RAI14: variants seen among roughly 807,000 people sequenced by gnomAD.
The protein encoded by RAI14 is retinoic acid induced 14, also known as ankycorbin.
In RAI14, 45 loss-of-function variants were observed where a neutral mutation model predicts 115.4. The ratio of observed to expected loss-of-function variants is 0.39; its 90% CI spans 0.31 to 0.50. RAI14 has a LOEUF of 0.50. Among genes scored for constraint, RAI14 ranks in the 20% least tolerant of loss-of-function variants. The pLI is 0.85. For synonymous variants in RAI14, 371 were observed against 415.4 expected, an observed-to-expected ratio of 0.89 and a Z score of 1.30; for missense variants, 939 against 1,131.2, an observed-to-expected ratio of 0.83 and a Z score of 2.44.
At chr5:34,704,526 T>C (rs186534229) in intron 2 of RAI14, among the ~76,000 whole-genome samples, 1 of 152,338 alleles carries the variant, frequency 6.6e-6, no homozygotes, top group East Asian at 1.9e-4. Context: ...GACGTTCTGT[T>C]TCCTTATCAG....
intron 3 of RAI14, among the ~76,000 whole-genome samples, chr5:34,787,949 C>T (rs867202516): frequency 8.6e-5 from 8 of 93,294 alleles, no homozygotes; most frequent in South Asian, 3.5e-4. Flanking sequence ...AGGGTCTCAC[C>T]GTCACCCAGG....
At chr5:34,697,253 A>C (rs1393319435) in intron 2 of RAI14, among the ~76,000 whole-genome samples, 1 of 152,060 alleles carries the variant, frequency 6.6e-6, no homozygotes, top group Non-Finnish European at 1.5e-5. Context: ...CCTGACCAAC[A>C]TGGAGAAACC....
intron 2 of RAI14, among the ~76,000 whole-genome samples, chr5:34,703,437 A>G (rs1473578718): frequency 6.6e-6 from 1 of 152,244 alleles, no homozygotes; most frequent in Non-Finnish European, 1.5e-5. Context: ...TTCATTAAAG[A>G]AAGCTGTTTT....
chr5:34,751,277 G>A (rs899864822), intron 2 of RAI14, among the ~76,000 whole-genome samples: 3 of 151,188 alleles, frequency 2.0e-5, no homozygotes, highest in Non-Finnish European at 4.4e-5. Flanking sequence ...CGAGAAGCTG[G>A]GATTATAGGT....
chr5:34,664,938 G>A (rs1435574657), intron 1 of RAI14, among the ~76,000 whole-genome samples: 2 of 145,322 alleles, frequency 1.4e-5, no homozygotes, highest in East Asian at 2.0e-4. Flanking sequence ...CCAGGTCACT[G>A]TGAATGCTAT....
chr5:34,690,782 AC>A (rs759753342), intron 2 of RAI14, among the ~76,000 whole-genome samples: 22 of 152,178 alleles, frequency 1.4e-4, no homozygotes, highest in Non-Finnish European at 2.6e-4. Context: ...ATGGTGGATA[AC>A]CTTTTTTACT....
chr5:34,704,495 TTAAC>T (rs1385434029), intron 2 of RAI14, among the ~76,000 whole-genome samples: 1 of 152,214 alleles, frequency 6.6e-6, no homozygotes, highest in Non-Finnish European at 1.5e-5. Flanking sequence ...TATACCCTAC[TTAAC>T]TATCTTTAAA....
intron 2 of RAI14, among the ~76,000 whole-genome samples, chr5:34,732,286 A>G (rs1232662585): frequency 2.0e-5 from 3 of 152,112 alleles, no homozygotes; most frequent in East Asian, 1.9e-4. Flanking sequence ...GAGCCAGACA[A>G]ATGTGGCCCA....
intron 6 of RAI14, 56 bp from the exon 7 acceptor site, chr5:34,808,528 C>G (rs1240119750): frequency 7.4e-6 from 11 of 1,487,334 alleles, no homozygotes; most frequent in Admixed American, 5.0e-5. Flanking sequence ...ATCTGATACC[C>G]CTGGTTGTGA....
At chr5:34,815,868 G>A (rs7711445) in intron 12 of RAI14, among the ~76,000 whole-genome samples, 24,860 of 152,054 alleles carry the variant, frequency 0.16, 4,549 homozygotes, top group African/African-American at 0.45. Flanking sequence ...CATTATGTAC[G>A]TATTTGCAGA....
Position 34,823,048 on chromosome 5 carries a change from TG to T in RAI14, c.1207del (p.Glu403LysfsTer14). Reference sequence around the variant, plus strand: ...TGGGCCCATCCCTGGGAAAACCTGGTGAAACCTCTCCCCCAGACTCCAAATC... The same window carrying T: ...TGGGCCCATCCCTGGGAAAACCTGGTAAACCTCTCCCCCAGACTCCAAATC... ...DLGPSLGKPG[E>X]TSPPDSKSSP... On this transcript the variant is annotated frameshift_variant, in exon 15 of 18. Transcript: ENST00000265109. LOFTEE classifies it high-confidence loss of function. This position sits in a 1 kb window ranked among gnomAD's most constrained non-coding sequence, Gnocchi z 4.5. The T allele has an allele frequency of 6.2e-7, 1 of 1,613,648 alleles. No homozygotes were observed. The highest frequency in any genetic ancestry group is 8.5e-7 in the Non-Finnish European group (1 of 1,179,614).
At chr5:34,672,398 A>G (rs1407795318) in intron 1 of RAI14, among the ~76,000 whole-genome samples, 1 of 151,474 alleles carries the variant, frequency 6.6e-6, no homozygotes. Flanking sequence ...GTGGGGGGGG[A>G]GCATATTCAG....
At chr5:34,801,736 T>C (rs71615830) in intron 4 of RAI14, among the ~76,000 whole-genome samples, 20,758 of 148,268 alleles carry the variant, frequency 0.14, 1,968 homozygotes, top group Non-Finnish European at 0.2. Context: ...TAAGACTTTC[T>C]AAAAAAAAAA....
intron 2 of RAI14, among the ~76,000 whole-genome samples, chr5:34,743,522 G>A (rs1251069849): frequency 6.6e-6 from 1 of 152,142 alleles, no homozygotes; most frequent in Non-Finnish European, 1.5e-5. Context: ...AATTAAGATT[G>A]CATTCTGAGG....
At chr5:34,770,065 A>T (rs143010416) in intron 3 of RAI14, among the ~76,000 whole-genome samples, 275 of 152,196 alleles carry the variant, frequency 1.8e-3, no homozygotes, top group African/African-American at 6.4e-3. Context: ...CAGTGGTCCT[A>T]AAAATCGAAT....
intron 16 of RAI14, among the ~76,000 whole-genome samples, chr5:34,828,303 A>T (rs550259824): frequency 6.6e-6 from 1 of 152,168 alleles, no homozygotes; most frequent in Admixed American, 6.5e-5. Context: ...TGCTGAACTG[A>T]AGAGGAGCAT....
At chr5:34,771,122 C>G (rs1045723793) in intron 3 of RAI14, among the ~76,000 whole-genome samples, 14 of 152,070 alleles carry the variant, frequency 9.2e-5, no homozygotes, top group Non-Finnish European at 2.9e-5. Flanking sequence ...AGAAAATACC[C>G]TTGGGGCAGG....
chr5:34,696,176 T>A (rs1579938085), intron 2 of RAI14, among the ~76,000 whole-genome samples: 1 of 152,154 alleles, frequency 6.6e-6, no homozygotes, highest in East Asian at 1.9e-4. Flanking sequence ...TCTTGCTCTG[T>A]CACCCAGGCT....
At chr5:34,794,327 G>A (rs1753261020) in intron 3 of RAI14, among the ~76,000 whole-genome samples, 1 of 152,088 alleles carries the variant, frequency 6.6e-6, no homozygotes, top group Admixed American at 6.5e-5. Flanking sequence ...GTAGGCTGAG[G>A]CAGGAGAATC....
Sources: gnomAD v4.1 joint callset for allele counts (sites outside exome capture counted in the v4.1 genomes callset) on GRCh38, gnomAD v4.1.1 for gene constraint, Gnocchi (gnomAD v3.1) non-coding constraint, MANE v1.5 for transcripts, NCBI Gene and HGNC (gene_info 2026-07-23, HGNC 2026-07-21) for gene names.